The following BICDL1 variants were observed in gnomAD, a reference collection of about 807,000 sequenced individuals.
BICDL1 encodes the protein BICD family-like cargo adapter 1.
Under a neutral mutation model 76.8 loss-of-function variants are expected in BICDL1, and 20 were observed. The observed-to-expected ratio is 0.26, with a 90% confidence interval of 0.18 to 0.38. The LOEUF is 0.38. BICDL1 is among the 10% of genes least tolerant of loss of function. BICDL1 has a pLI of 1.00. For missense variants in BICDL1, 700 were observed against 798.6 expected (o/e 0.88, Z 1.49); for synonymous variants, 383 against 337.1 (o/e 1.14, Z -1.49).
chr12:120,091,146 A>G (rs1426845100), intron 9 of BICDL1: 1 of 1,219,378 alleles, frequency 8.2e-7, no homozygotes, highest in African/African-American at 1.6e-5. Context: ...GCAGTGTGAC[A>G]TGCCCTCAAG....
chr12:120,006,813 A>G (rs1951859312), intron 2 of BICDL1, among the ~76,000 whole-genome samples: 1 of 152,102 alleles, frequency 6.6e-6, no homozygotes, highest in African/African-American at 2.4e-5. Flanking sequence ...GGTTTTAGTC[A>G]GTGTGCTGGG....
At position 120,062,206 on chromosome 12, in the gene BICDL1, G is replaced by A. The variant is rs567810263; in HGVS notation, c.762+380G>A. 2.0e-5 allele frequency among the ~76,000 whole-genome samples: 3 copies of A among 152,306 alleles called. No individual in the cohort carries two copies. In the South Asian group the frequency reaches 6.2e-4, roughly 32 times the overall value. ...CACCTGCAAAATGAGAGAAATAGAA[G>A]TTTCTACTTCACAGGTTTTTGCAAG... On this transcript the variant is annotated intron_variant, in intron 3 of 9. Transcript: ENST00000548673.
At chr12:120,015,226 A>T (rs1188820567) in intron 2 of BICDL1, among the ~76,000 whole-genome samples, 1 of 151,994 alleles carries the variant, frequency 6.6e-6, no homozygotes, top group Non-Finnish European at 1.5e-5. Flanking sequence ...CTGCTCCTCC[A>T]TTTTTTCCCA....
At chr12:120,017,185 C>T (rs1010782063) in intron 2 of BICDL1, among the ~76,000 whole-genome samples, 2 of 152,222 alleles carry the variant, frequency 1.3e-5, no homozygotes, top group African/African-American at 2.4e-5. Flanking sequence ...CGTGAGCCAT[C>T]GTGCCCAGCC....
At chr12:119,999,801 T>G (rs1386672908) in intron 2 of BICDL1, 10 of 444,618 alleles carry the variant, frequency 2.2e-5, no homozygotes. Context: ...TCAGCCCTTC[T>G]TGTATATTGA....
At chr12:120,013,119 T>C (rs896337618) in intron 2 of BICDL1, among the ~76,000 whole-genome samples, 1 of 152,080 alleles carries the variant, frequency 6.6e-6, no homozygotes, top group Admixed American at 6.6e-5. Flanking sequence ...AAGACCAGCC[T>C]GGCCAACATG....
intron 2 of BICDL1, among the ~76,000 whole-genome samples, chr12:120,013,705 G>A (rs1435568852): frequency 1.3e-5 from 2 of 151,956 alleles, no homozygotes; most frequent in South Asian, 2.1e-4. Flanking sequence ...CAAGTGATCC[G>A]CCTGCCTCAG....
Position 120,089,994 on chromosome 12 carries a change from A to G in BICDL1, c.1627A>G (p.Met543Val), listed in dbSNP as rs1566273612. 1 of 1,614,226 alleles carries G rather than the reference A, an allele frequency of 6.2e-7. No individual in the cohort carries two copies. The highest frequency in any genetic ancestry group is 8.5e-7 in the Non-Finnish European group (1 of 1,180,044). ...ELELAKCRMD[M>V]MSLNSQLLDA... is the part of the protein sequence containing the mutation. ...GGAACTTGCCAAGTGCAGGATGGATATGATGTCTCTGAACAGCCAGTTGCT... is the reference window on the plus strand; with the variant it reads ...GGAACTTGCCAAGTGCAGGATGGATGTGATGTCTCTGAACAGCCAGTTGCT... The change falls in exon 9 of 10, where the codon ATG becomes GTG. Residue 543 changes from methionine to valine, a missense_variant. Met to Val is a conservative substitution (Grantham distance 21, BLOSUM62 1). This residue lies in a region of BICDL1 where 455 missense variants were observed against 548.7 expected (regional missense o/e 0.83). Coordinates refer to ENST00000548673, the MANE Select transcript of BICDL1 (RefSeq NM_001367886.1).
intron 2 of BICDL1, among the ~76,000 whole-genome samples, chr12:120,032,892 G>A (rs1232014056): frequency 6.6e-6 from 1 of 151,804 alleles, no homozygotes; most frequent in Non-Finnish European, 1.5e-5. Context: ...GACTATAGGC[G>A]GGCACCACCA....
intron 2 of BICDL1, among the ~76,000 whole-genome samples, chr12:120,039,667 G>C (rs1268333772): frequency 6.7e-6 from 1 of 148,878 alleles, no homozygotes; most frequent in South Asian, 2.1e-4. Context: ...AAAAGAAAAG[G>C]CTTCATGGAG....
chr12:120,081,062 A>C (rs766605178), intron 8 of BICDL1, 45 bp downstream of exon 8: 3 of 1,593,976 alleles, frequency 1.9e-6, no homozygotes, highest in Non-Finnish European at 2.6e-6. Flanking sequence ...AAAGTTGAGT[A>C]TATAGAATTG....
rs762639312 is a variant in BICDL1, at chr12:120,093,024, C to T, written c.1729C>T (p.Arg577Trp). The part of the protein sequence containing the change: ...WQDDMHRVID[R>W]QLMDTHLKER... ...GGATGACATGCACAGGGTCATTGACCGGCAGCTGATGGACACGCACCTGAA... is the reference window on the plus strand; with the variant it reads ...GGATGACATGCACAGGGTCATTGACTGGCAGCTGATGGACACGCACCTGAA... Residue 577 changes from arginine (R) to tryptophan (W), a missense_variant, in exon 10 of 10, where the codon CGG (arginine) becomes TGG (tryptophan). By Grantham distance (101) the Arg-to-Trp change is moderately radical. Transcript: ENST00000548673. 35 of 1,580,294 alleles carry T rather than the reference C, an allele frequency of 2.2e-5. No individual in the cohort carries two copies. Among genetic ancestry groups the T allele is most frequent in the Non-Finnish European group, 2.9e-5 (34 of 1,161,504 alleles).
intron 6 of BICDL1, 42 bp downstream of exon 6, chr12:120,072,771 G>A (rs1186555020): frequency 6.4e-7 from 1 of 1,567,738 alleles, no homozygotes; most frequent in Admixed American, 1.7e-5. Flanking sequence ...CACAGGAGCT[G>A]GCTGGTGGGA....
chr12:120,082,616 T>C (rs973161901), intron 8 of BICDL1, among the ~76,000 whole-genome samples: 4 of 152,030 alleles, frequency 2.6e-5, no homozygotes, highest in Non-Finnish European at 5.9e-5. Flanking sequence ...AGGGTCTCTC[T>C]TTGTCACCCA....
chr12:120,021,586 C>CA (rs145151630), intron 2 of BICDL1, among the ~76,000 whole-genome samples: 6,705 of 45,702 alleles, frequency 0.15, 679 homozygotes, highest in East Asian at 0.37. Context: ...GACTCCATCT[C>CA]AAAAAAAAAA....
chr12:120,024,945 T>G (rs981428321), intron 2 of BICDL1, among the ~76,000 whole-genome samples: 1 of 152,130 alleles, frequency 6.6e-6, no homozygotes, highest in Non-Finnish European at 1.5e-5. Context: ...CCCAAAATAC[T>G]GGGATCACAG....
At chr12:120,039,405 C>A (rs1952590250) in intron 2 of BICDL1, among the ~76,000 whole-genome samples, 3 of 149,774 alleles carry the variant, frequency 2.0e-5, no homozygotes, top group Admixed American at 1.3e-4. Flanking sequence ...TTTGGGAGGC[C>A]AAGGTGGGCG....
intron 2 of BICDL1, among the ~76,000 whole-genome samples, chr12:120,007,608 A>G (rs912286412): frequency 6.6e-6 from 1 of 152,206 alleles, no homozygotes; most frequent in African/African-American, 2.4e-5. Context: ...CTAATGCCTT[A>G]TCCACACACA....
At chr12:119,993,463 A>G (rs1951570312) in intron 1 of BICDL1, 1 of 152,208 alleles carries the variant, frequency 6.6e-6, no homozygotes, top group Non-Finnish European at 1.5e-5. Flanking sequence ...CAGTGGTTTA[A>G]AGGTTAACAG....
Sources: allele counts gnomAD v4.1 joint callset (sites outside exome capture counted in the v4.1 genomes callset), GRCh38; gene constraint gnomAD v4.1.1; regional missense constraint gnomAD v4.1.1; transcripts MANE v1.5; gene names NCBI Gene and HGNC (gene_info 2026-07-23, HGNC 2026-07-21).